ADAMTS12: variants seen among roughly 807,000 people sequenced by gnomAD.
ADAMTS12 encodes A disintegrin and metalloproteinase with thrombospondin motifs 12.
In ADAMTS12, 118 loss-of-function variants were observed where a neutral mutation model predicts 167.8. The ratio of observed to expected loss-of-function variants is 0.70; its 90% CI spans 0.61 to 0.82. ADAMTS12 has a LOEUF of 0.82. Ranked by LOEUF, ADAMTS12 falls within the 40% of genes least tolerant of loss-of-function variation. The probability of loss-of-function intolerance (pLI) is 0.00; values close to 1 mark genes in which losing one functional copy is unlikely to be tolerated. For synonymous variants in ADAMTS12, 704 were observed against 716.9 expected (o/e 0.98, Z 0.29); for missense variants, 1,916 against 1,998.8 (o/e 0.96, Z 0.79).
At chr5:33,649,896 T>C (rs1740813958) in intron 7 of ADAMTS12, among the ~76,000 whole-genome samples, 199 bp from the exon 8 acceptor site, 1 of 152,066 alleles carries the variant, frequency 6.6e-6, no homozygotes, top group Non-Finnish European at 1.5e-5. Context: ...ATTGTAGGCA[T>C]GCTTTACCTC....
chr5:33,568,171 C>A (rs181690799), intron 19 of ADAMTS12, among the ~76,000 whole-genome samples: 6 of 152,316 alleles, frequency 3.9e-5, no homozygotes, highest in Admixed American at 3.9e-4. Flanking sequence ...AAGACCCATT[C>A]ATCTCCTTCC....
chr5:33,605,579 A>T (rs965698867), intron 16 of ADAMTS12, among the ~76,000 whole-genome samples: 1 of 152,200 alleles, frequency 6.6e-6, no homozygotes, highest in African/African-American at 2.4e-5. Context: ...GTGATGTTGA[A>T]TAAAGTTCTG....
rs1342303695 is a variant in ADAMTS12 at position 33,561,169 on chromosome 5, G to T, written c.3983C>A (p.Thr1328Lys). The change falls in exon 20 of 24, where the codon ACA becomes AAA. Residue 1328 changes from threonine to lysine, a missense_variant. Transcript: ENST00000504830. ...IVGNWSECST[T>K]CGLGAYWRRV... Reference sequence around the variant, plus strand: ...TCTCCAGTAGGCCCCCAGGCCACATGTGGTGGAGCACTGTAGCAGGGAAGG... The same window carrying T: ...TCTCCAGTAGGCCCCCAGGCCACATTTGGTGGAGCACTGTAGCAGGGAAGG... The T allele has an allele frequency of 6.2e-7, 1 of 1,613,818 alleles. No individual in the cohort carries two copies. The highest frequency in any genetic ancestry group is 1.1e-5 in the South Asian group (1 of 91,086).
At chr5:33,805,603 C>T (rs950976430) in intron 2 of ADAMTS12, among the ~76,000 whole-genome samples, 7 of 152,112 alleles carry the variant, frequency 4.6e-5, no homozygotes, top group Admixed American at 2.6e-4. Flanking sequence ...CTAAGGGGAG[C>T]GCGTGGAGGC....
At chr5:33,703,777 G>T (rs1561224252) in intron 3 of ADAMTS12, among the ~76,000 whole-genome samples, 1 of 152,112 alleles carries the variant, frequency 6.6e-6, no homozygotes, top group Non-Finnish European at 1.5e-5. Context: ...AAATTTACAG[G>T]AGGTATTGGT....
At chr5:33,775,718 C>T (rs1004064170) in intron 2 of ADAMTS12, among the ~76,000 whole-genome samples, 1 of 152,192 alleles carries the variant, frequency 6.6e-6, no homozygotes, top group Non-Finnish European at 1.5e-5. Flanking sequence ...ACCCACATCA[C>T]CCTTCCCCAA....
At chr5:33,694,158 C>A (rs193130180) in intron 3 of ADAMTS12, among the ~76,000 whole-genome samples, 124 of 152,238 alleles carry the variant, frequency 8.1e-4, no homozygotes, top group South Asian at 4.6e-3. Flanking sequence ...TCAAAGATGA[C>A]ACAAACAAAT....
At chr5:33,754,388 T>C (rs1291333318) in intron 2 of ADAMTS12, among the ~76,000 whole-genome samples, 1 of 152,214 alleles carries the variant, frequency 6.6e-6, no homozygotes, top group Non-Finnish European at 1.5e-5. Flanking sequence ...CACTGGGCAT[T>C]CAGAAGAACC....
Position 33,624,318 on chromosome 5 carries a change from CATTGGA to C in ADAMTS12, c.2050_2055del (p.Ser684_Asn685del). On this transcript the variant is annotated inframe_deletion, in exon 14 of 24. Transcript: ENST00000504830. ...CACACACCGCAGCGATCCTCGGTGGCATTGGAATCGATCTCATAGTCACAGCCAACC... is the reference window on the plus strand; with the variant it reads ...CACACACCGCAGCGATCCTCGGTGGCATCGATCTCATAGTCACAGCCAACC... 4 of 1,614,072 alleles carry C rather than the reference CATTGGA, an allele frequency of 2.5e-6. No individual in the cohort carries two copies. The highest frequency in any genetic ancestry group is 3.4e-6 in the Non-Finnish European group (4 of 1,179,966).
chr5:33,701,781 CT>C (rs1743015039), intron 3 of ADAMTS12, among the ~76,000 whole-genome samples: 1 of 152,162 alleles, frequency 6.6e-6, no homozygotes, highest in African/African-American at 2.4e-5. Flanking sequence ...GTTTTGCAAA[CT>C]AGAGGCTTAA....
At chr5:33,573,578 C>T (rs1296343476) in intron 19 of ADAMTS12, among the ~76,000 whole-genome samples, 1 of 152,120 alleles carries the variant, frequency 6.6e-6, no homozygotes, top group Non-Finnish European at 1.5e-5. Context: ...TTCCTTACAC[C>T]TTATACAAAA....
At chr5:33,680,416 G>A (rs2112255790) in intron 5 of ADAMTS12, among the ~76,000 whole-genome samples, 2 of 152,218 alleles carry the variant, frequency 1.3e-5, no homozygotes, top group East Asian at 3.9e-4. Context: ...GGTGCTGCTG[G>A]GACTACAGAG....
At chr5:33,823,693 T>G (rs1579966335) in intron 2 of ADAMTS12, among the ~76,000 whole-genome samples, 1 of 151,768 alleles carries the variant, frequency 6.6e-6, no homozygotes, top group Admixed American at 6.6e-5. Flanking sequence ...CATGTTTAGG[T>G]GGAAACTCCT....
intron 11 of ADAMTS12, among the ~76,000 whole-genome samples, chr5:33,640,010 C>A (rs1740380358): frequency 6.6e-6 from 1 of 152,144 alleles, no homozygotes; most frequent in South Asian, 2.1e-4. Flanking sequence ...CAGGGACACT[C>A]TATGACCTGG....
intron 2 of ADAMTS12, among the ~76,000 whole-genome samples, chr5:33,794,044 T>A (rs1746679399): frequency 6.6e-6 from 1 of 152,144 alleles, no homozygotes; most frequent in Non-Finnish European, 1.5e-5. Flanking sequence ...TGAATCCCTG[T>A]GGTGCCCAGC....
At chr5:33,570,301 CACCAAAGTTG>C (rs1286488882) in intron 19 of ADAMTS12, among the ~76,000 whole-genome samples, 1 of 152,150 alleles carries the variant, frequency 6.6e-6, no homozygotes, top group Non-Finnish European at 1.5e-5. Flanking sequence ...TTGTCAGATT[CACCAAAGTTG>C]AAATGAAGGA....
At chr5:33,769,910 T>C (rs972201895) in intron 2 of ADAMTS12, among the ~76,000 whole-genome samples, 2 of 152,326 alleles carry the variant, frequency 1.3e-5, no homozygotes, top group African/African-American at 2.4e-5. Flanking sequence ...AATAAAACTA[T>C]ATGCATGATT....
At chr5:33,891,269 G>C (rs952645047) in intron 1 of ADAMTS12, among the ~76,000 whole-genome samples, 1 of 152,142 alleles carries the variant, frequency 6.6e-6, no homozygotes, top group Non-Finnish European at 1.5e-5. Flanking sequence ...AGCCAAGCCT[G>C]CTCAGTAGGG....
At chr5:33,598,664 A>G (rs866037551) in intron 16 of ADAMTS12, among the ~76,000 whole-genome samples, 3 of 152,256 alleles carry the variant, frequency 2.0e-5, no homozygotes, top group Non-Finnish European at 4.4e-5. Context: ...TGGTTAACCT[A>G]GAAAATGGTT....
Sources: gnomAD v4.1 joint callset for allele counts (sites outside exome capture counted in the v4.1 genomes callset) on GRCh38, gnomAD v4.1.1 for gene constraint, MANE v1.5 for transcripts, NCBI Gene and HGNC (gene_info 2026-07-23, HGNC 2026-07-21) for gene names.